The following STX18 variants were observed in gnomAD, a reference collection of about 807,000 sequenced individuals.
STX18 encodes the protein syntaxin 18.
Under a neutral mutation model 50.1 loss-of-function variants are expected in STX18, and 40 were observed. That is an observed-to-expected ratio of 0.80 (90% confidence interval 0.62 to 1.04). STX18 has a LOEUF of 1.04. Among genes scored for constraint, STX18 ranks in the 50% least tolerant of loss-of-function variants. STX18 has a pLI of 0.00. For synonymous variants in STX18, 158 were observed against 151.8 expected (o/e 1.04, Z -0.30); for missense variants, 410 against 415.8 (o/e 0.99, Z 0.12).
At position 4,438,495 on chromosome 4, in the gene STX18, G is replaced by C. The variant is rs553471854; in HGVS notation, c.512C>G (p.Pro171Arg). 4 of 1,612,760 alleles carry C rather than the reference G, an allele frequency of 2.5e-6. No homozygotes were observed. The highest frequency in any genetic ancestry group is 1.7e-5 in the Admixed American group (1 of 59,900). ...TTCTCTTGTCTTTGTATTTGGTTCT[G>C]GTTCCAGCTTAGATCTAAAAATAAA... ...VDKKRLSKLE[P>R]EPNTKTREST... Residue 171 changes from proline (P) to arginine (R), a missense_variant, in exon 6 of 11, where the codon CCA (proline) becomes CGA (arginine). Coordinates refer to ENST00000306200, the MANE Select transcript of STX18 (RefSeq NM_016930.4).
chr4:4,490,900 A>G (rs1266018001), intron 1 of STX18, among the ~76,000 whole-genome samples: 6 of 152,168 alleles, frequency 3.9e-5, no homozygotes, highest in Non-Finnish European at 7.4e-5. Flanking sequence ...AACTCTAATC[A>G]TGACATTTCC....
chr4:4,533,094 G>A (rs1346431346), intron 1 of STX18, among the ~76,000 whole-genome samples: 1 of 152,106 alleles, frequency 6.6e-6, no homozygotes, highest in Non-Finnish European at 1.5e-5. Context: ...AGTATTGCCG[G>A]GTTTAAAATT....
chr4:4,476,712 C>A (rs1728191781), intron 1 of STX18, among the ~76,000 whole-genome samples: 4 of 152,012 alleles, frequency 2.6e-5, no homozygotes, highest in Admixed American at 2.6e-4. Flanking sequence ...ATATTTTATA[C>A]ACGGAACAAC....
chr4:4,502,274 G>A lies in STX18; in HGVS notation c.169-30568C>T, dbSNP rs112065128. Among the ~76,000 whole-genome samples, 153 of 152,174 alleles carry A rather than the reference G, an allele frequency of 1.0e-3. 1 individual carries two copies. Among genetic ancestry groups the A allele is most frequent in the African/African-American group, 3.4e-3 (141 of 41,534 alleles). The stretch of plus-strand genomic sequence containing the variant: ...ACCACCCTAACATTGTTTTAGTAAA[G>A]AATTTGAGTGGAACCTTCTTATTAC... On this transcript the variant is annotated intron_variant, in intron 1 of 10. Coordinates refer to ENST00000306200, the MANE Select transcript of STX18 (RefSeq NM_016930.4).
chr4:4,463,559 A>C (rs1295808581), intron 2 of STX18, among the ~76,000 whole-genome samples: 1 of 152,248 alleles, frequency 6.6e-6, no homozygotes, highest in African/African-American at 2.4e-5. Flanking sequence ...TTTCTTTTCA[A>C]GGAAAAGGGA....
At chr4:4,423,870 T>G (rs558690746) in intron 8 of STX18, 3 of 451,266 alleles carry the variant, frequency 6.6e-6, no homozygotes, top group Admixed American at 3.8e-5. Context: ...GCAGTGCCCT[T>G]TGCATTCTGT....
Position 4,420,599 on chromosome 4 carries a change from C to G in STX18, c.912+265G>C. The G allele has an allele frequency of 2.0e-6, 1 of 501,310 alleles. No homozygotes were observed. Among genetic ancestry groups the G allele is most frequent in the East Asian group, 3.5e-5 (1 of 28,470 alleles). 31.1% of individuals were successfully genotyped at this position (501,310 alleles called of 1,614,324 possible). ...TACATCCCTGGACATGAAGAGCTGG[C>G]CTGACCCTGCCAGGAGTACCCCCAC... On this transcript the variant is annotated intron_variant, in intron 10 of 10. Coordinates refer to ENST00000306200, the MANE Select transcript of STX18 (RefSeq NM_016930.4). The surrounding 1 kb of genome is among the most constrained non-coding windows in gnomAD (Gnocchi z 4.3).
chr4:4,490,558 C>A (rs79062868), intron 1 of STX18, among the ~76,000 whole-genome samples: 1 of 152,060 alleles, frequency 6.6e-6, no homozygotes, highest in Non-Finnish European at 1.5e-5. Flanking sequence ...ATGCTTACTT[C>A]GTAAAATGCA....
rs551788022 is a variant in STX18 at position 4,535,775 on chromosome 4, T to C, written c.168+6022A>G. 3.9e-5 allele frequency among the ~76,000 whole-genome samples: 6 copies of C among 152,330 alleles called. No individual in the cohort carries two copies. The East Asian group carries it at 1.2e-3, about 29-fold the overall frequency. The stretch of plus-strand genomic sequence containing the variant: ...CCTACTTCTGTATGGTTTGGCCCTA[T>C]CTCCTGTCCTTCCTGCCTCTCATGG... On this transcript the variant is annotated intron_variant, in intron 1 of 10. Transcript: ENST00000306200.
chr4:4,525,463 G>A (rs910078497), intron 1 of STX18, among the ~76,000 whole-genome samples: 9 of 152,168 alleles, frequency 5.9e-5, no homozygotes, highest in Admixed American at 3.3e-4. Flanking sequence ...TAGTTTGGGG[G>A]TAAAACTACT....
intron 1 of STX18, among the ~76,000 whole-genome samples, chr4:4,482,193 C>T (rs1221859509): frequency 6.6e-6 from 1 of 152,206 alleles, no homozygotes; most frequent in African/African-American, 2.4e-5. Flanking sequence ...AAGTTCAGCC[C>T]TTGGCTCTTT....
At chr4:4,425,098 A>G (rs1346441886) in intron 8 of STX18, 66 bp downstream of exon 8, 1 of 1,467,480 alleles carries the variant, frequency 6.8e-7, no homozygotes, top group African/African-American at 1.4e-5. Flanking sequence ...CAAGGTAAAT[A>G]AAGTTCCTAG....
At chr4:4,487,095 T>C (rs1378687927) in intron 1 of STX18, among the ~76,000 whole-genome samples, 1 of 152,188 alleles carries the variant, frequency 6.6e-6, no homozygotes, top group Non-Finnish European at 1.5e-5. Flanking sequence ...TAAGTGCCTC[T>C]GATTGTAAAC....
At chr4:4,469,631 G>A (rs1577350881) in intron 2 of STX18, among the ~76,000 whole-genome samples, 1 of 152,032 alleles carries the variant, frequency 6.6e-6, no homozygotes, top group Admixed American at 6.5e-5. Context: ...AAACTGGCCA[G>A]GAATCATGAG....
intron 5 of STX18, among the ~76,000 whole-genome samples, chr4:4,455,419 C>T (rs1410002435): frequency 2.6e-5 from 4 of 152,214 alleles, no homozygotes; most frequent in African/African-American, 7.2e-5. Context: ...AACAATTTCA[C>T]ATCTGTTTCA....
intron 1 of STX18, among the ~76,000 whole-genome samples, chr4:4,479,229 T>C (rs1728343183): frequency 6.6e-6 from 1 of 152,210 alleles, no homozygotes. Context: ...TAGGTATCAT[T>C]ATTACCCTTT....
intron 9 of STX18, among the ~76,000 whole-genome samples, chr4:4,422,158 T>C (rs1725002063): frequency 6.6e-6 from 1 of 151,942 alleles, no homozygotes; most frequent in Non-Finnish European, 1.5e-5. Context: ...TTTTAGAGAG[T>C]CTCAAAGTGT....
At chr4:4,507,668 C>T (rs958638511) in intron 1 of STX18, 5 of 804,188 alleles carry the variant, frequency 6.2e-6, no homozygotes, top group African/African-American at 3.4e-5. Context: ...CATAAAGGTT[C>T]GTTTGGACAA....
At chr4:4,508,547 T>C (rs940366513) in intron 1 of STX18, among the ~76,000 whole-genome samples, 9 of 152,148 alleles carry the variant, frequency 5.9e-5, no homozygotes, top group Non-Finnish European at 1.2e-4. Flanking sequence ...AAACAATTTT[T>C]TTTCTTCAAC....
Sources: gnomAD v4.1 joint callset for allele counts (sites outside exome capture counted in the v4.1 genomes callset) on GRCh38, gnomAD v4.1.1 for gene constraint, Gnocchi (gnomAD v3.1) non-coding constraint, MANE v1.5 for transcripts, NCBI Gene and HGNC (gene_info 2026-07-23, HGNC 2026-07-21) for gene names.